Variants in KCNK2 observed in about 807,000 individuals in gnomAD.
KCNK2 encodes the protein potassium two pore domain channel subfamily K member 2, also known as potassium channel subfamily K member 2.
A neutral mutation model predicts 40.5 loss-of-function variants in KCNK2; 21 were observed. The observed-to-expected ratio is 0.52, with a 90% CI of 0.37 to 0.75. The LOEUF (loss-of-function observed/expected upper bound fraction) is 0.75, where lower values mean the gene tolerates loss of function less well. Among genes scored for constraint, KCNK2 ranks in the 30% least tolerant of loss-of-function variants. The probability of loss-of-function intolerance (pLI) is 0.00; values close to 1 mark genes in which losing one functional copy is unlikely to be tolerated. For synonymous variants in KCNK2, 191 were observed against 202.2 expected (o/e 0.94, Z 0.47); for missense variants, 399 against 531.6 (o/e 0.75, Z 2.45).
At chr1:215,195,960 C>T (rs1664846615) in intron 6 of KCNK2, among the ~76,000 whole-genome samples, 1 of 152,144 alleles carries the variant, frequency 6.6e-6, no homozygotes, top group Admixed American at 6.5e-5. Context: ...ATATCAGTGT[C>T]AGACTCTTTC....
chr1:215,083,622 C>T, intron 1 of KCNK2, 191 bp downstream of exon 1: 1 of 608,776 alleles, frequency 1.6e-6, no homozygotes, highest in Non-Finnish European at 2.9e-6. Flanking sequence ...GCCGCTTCTC[C>T]CCCCTCTCCC....
rs71167812 is a variant in KCNK2, at chr1:215,177,740, A to ATATTTTTTT, written c.823+5558_823+5559insATTTTTTTT. Among the ~76,000 whole-genome samples the ATATTTTTTT allele has an allele frequency of 3.1e-3, 314 of 101,570 alleles. 1 individual carries two copies. Among genetic ancestry groups the ATATTTTTTT allele is most frequent in the Non-Finnish European group, 4.7e-3 (240 of 50,552 alleles). The allele number at this position is 101,570 out of a possible 152,430, so 66.6% of individuals were successfully genotyped here. A position where few individuals can be genotyped will look rare whatever the true frequency, so the allele number is the denominator to read the frequency against. On this transcript the variant is annotated intron_variant, in intron 5 of 6. Coordinates refer to ENST00000444842, the MANE Select transcript of KCNK2 (RefSeq NM_001017425.3). ...TATATGTGTATATATATATATATAT[A>ATATTTTTTT]TTTTTTTTTTTTGTAGCAGTACCAT... is the stretch of plus-strand genomic sequence containing the variant.
chr1:215,083,633 GC>G (rs1226877612), intron 1 of KCNK2: 1 of 606,602 alleles, frequency 1.6e-6, no homozygotes, highest in African/African-American at 1.8e-5. Flanking sequence ...CCCCTCTCCC[GC>G]CGGTGCCCGG....
In KCNK2 at chr1:215,086,513, G is replaced by A. The variant is rs749738084; in HGVS notation, c.192G>A (p.Thr64=). 6.2e-6 allele frequency: 10 copies of A among 1,614,042 alleles called. No individual in the cohort carries two copies. The African/African-American group carries it at 8.0e-5, about 13-fold the overall frequency. The change falls in exon 2 of 7, where the codon ACG becomes ACA. Residue 64 remains threonine, a synonymous_variant. Transcript: ENST00000444842. ...TTATGAAATGGAAGACGGTCTCCAC[G>A]ATATTCCTGGTGGTTGTCCTCTATC... The part of the protein sequence containing the change: ...INVMKWKTVS[T]IFLVVVLYLI...
chr1:215,023,633 C>A (rs1656890321), intron 1 of KCNK2, among the ~76,000 whole-genome samples: 1 of 152,166 alleles, frequency 6.6e-6, no homozygotes, highest in Non-Finnish European at 1.5e-5. Context: ...GTCCAGCAAC[C>A]AGTGAATGTC....
At chr1:215,087,622 A>G (rs1659504322) in intron 2 of KCNK2, among the ~76,000 whole-genome samples, 1 of 152,216 alleles carries the variant, frequency 6.6e-6, no homozygotes, top group Admixed American at 6.5e-5. Context: ...TTTCCTATAG[A>G]GCCCACTTTT....
At chr1:215,177,740 A>ATATATTTTTT (rs71167812) in intron 5 of KCNK2, among the ~76,000 whole-genome samples, 223 of 101,540 alleles carry the variant, frequency 2.2e-3, no homozygotes, top group East Asian at 3.1e-3. Flanking sequence ...ATATATATAT[A>ATATATTTTTT]TTTTTTTTTT....
chr1:215,083,063 T>G lies in KCNK2; in HGVS notation c.-323T>G, dbSNP rs1174840484. The G allele has an allele frequency of 4.1e-5, 11 of 266,958 alleles. No homozygotes were observed. Among genetic ancestry groups the G allele is most frequent in the Non-Finnish European group, 6.9e-5 (10 of 144,572 alleles). The allele number at this position is 266,958 out of a possible 1,614,324, so 16.5% of individuals were successfully genotyped here. Reference sequence around the variant, plus strand: ...CGCGGGACCCGGGTCGCCCGCGCTCTCCGGGTGACCCGGGCCCGGCAGCAG... The same window carrying G: ...CGCGGGACCCGGGTCGCCCGCGCTCGCCGGGTGACCCGGGCCCGGCAGCAG... On this transcript the variant is annotated 5_prime_UTR_variant, in exon 1 of 7. Coordinates refer to ENST00000444842, the MANE Select transcript of KCNK2 (RefSeq NM_001017425.3).
In KCNK2 at chr1:215,062,327, G is replaced by C. The variant is rs1192111637; in HGVS notation, c.35-24041G>C. ...ACTGGTTTGAATTTTTTGTTTTACT[G>C]TACTACTTTGGATCAGTTTAAACCA... On this transcript the variant is annotated intron_variant, in intron 1 of 6. Coordinates refer to the KCNK2 transcript ENST00000391895. 3.3e-5 allele frequency among the ~76,000 whole-genome samples: 5 copies of C among 152,066 alleles called. No homozygotes were observed. In the East Asian group the frequency reaches 7.8e-4, roughly 24 times the overall value.
intron 1 of KCNK2, among the ~76,000 whole-genome samples, chr1:215,073,269 T>C (rs1658819337): frequency 6.6e-6 from 1 of 152,172 alleles, no homozygotes; most frequent in Non-Finnish European, 1.5e-5. Context: ...AGACCACATG[T>C]TTCTGTTACT....
chr1:215,176,216 G>A (rs1164111125), intron 5 of KCNK2, among the ~76,000 whole-genome samples: 4 of 151,928 alleles, frequency 2.6e-5, no homozygotes, highest in Non-Finnish European at 5.9e-5. Flanking sequence ...ATCTCATTGT[G>A]GTTTTGATTT....
chr1:215,014,262 C>T (rs1171386186), intron 1 of KCNK2, among the ~76,000 whole-genome samples: 1 of 152,014 alleles, frequency 6.6e-6, no homozygotes, highest in Non-Finnish European at 1.5e-5. Context: ...ATTAACCCCA[C>T]TTAACTGTAA....
chr1:215,070,610 T>C (rs957687609), intron 1 of KCNK2, among the ~76,000 whole-genome samples: 2 of 151,982 alleles, frequency 1.3e-5, no homozygotes, highest in African/African-American at 2.4e-5. Flanking sequence ...GTGAGACTTA[T>C]TCACTATCAC....
intron 1 of KCNK2, among the ~76,000 whole-genome samples, chr1:215,013,114 G>A (rs1021439209): frequency 3.3e-5 from 5 of 151,526 alleles, no homozygotes; most frequent in African/African-American, 1.2e-4. Flanking sequence ...TTGTAATTTT[G>A]TGTTTTACAT....
intron 6 of KCNK2, among the ~76,000 whole-genome samples, chr1:215,195,898 T>C (rs1306044193): frequency 7.2e-5 from 11 of 152,178 alleles, no homozygotes; most frequent in Non-Finnish European, 1.3e-4. Context: ...CTGTAAAACC[T>C]GTCCCTATAG....
chr1:215,115,747 A>T (rs1660906799), intron 2 of KCNK2, among the ~76,000 whole-genome samples: 1 of 151,024 alleles, frequency 6.6e-6, no homozygotes, highest in Non-Finnish European at 1.5e-5. Context: ...AAAAAAATTA[A>T]TCTTTTTCTT....
intron 3 of KCNK2, among the ~76,000 whole-genome samples, chr1:215,125,359 G>C (rs1368930639): frequency 6.6e-6 from 1 of 152,094 alleles, no homozygotes; most frequent in Non-Finnish European, 1.5e-5. Context: ...AATGTTGAAA[G>C]GGTTGCATAA....
At position 215,029,451 on chromosome 1, in the gene KCNK2, G is replaced by T. The variant is rs116116258; in HGVS notation, c.34+23496G>T. 7.7e-3 allele frequency among the ~76,000 whole-genome samples: 1,130 copies of T among 147,214 alleles called. 20 individuals carry two copies. The highest frequency in any genetic ancestry group is 0.026 in the African/African-American group (1,061 of 40,436). On this transcript the variant is annotated intron_variant, in intron 1 of 6. Coordinates refer to the KCNK2 transcript ENST00000391895. ...ACTCATGTCTTTTCATGGCTTGATG[G>T]CTCATTTCTTCTTAGTGCTGAATAA...
intron 1 of KCNK2, among the ~76,000 whole-genome samples, chr1:215,032,431 CA>C (rs928566366): frequency 2.0e-5 from 3 of 151,772 alleles, no homozygotes; most frequent in African/African-American, 7.3e-5. Context: ...AAACAAAAAA[CA>C]GTAAACTTTT....
Sources: allele counts gnomAD v4.1 joint callset (sites outside exome capture counted in the v4.1 genomes callset), GRCh38; gene constraint gnomAD v4.1.1; transcripts MANE v1.5; gene names NCBI Gene and HGNC (gene_info 2026-07-23, HGNC 2026-07-21).